LONRF2: variants seen among roughly 807,000 people sequenced by gnomAD.
LONRF2 encodes LON peptidase N-terminal domain and RING finger protein 2.
LONRF2 carries 35 observed loss-of-function variants against 66.6 expected under a neutral mutation model. The ratio of observed to expected loss-of-function variants is 0.53; its 90% CI spans 0.40 to 0.70. LONRF2 has a LOEUF of 0.70. Among genes scored for constraint, LONRF2 ranks in the 30% least tolerant of loss-of-function variants. The pLI, the probability that LONRF2 is intolerant of heterozygous loss-of-function variation, is 0.00. For missense variants in LONRF2, 902 were observed against 1,002.1 expected, an observed-to-expected ratio of 0.90 and a Z score of 1.35; for synonymous variants, 417 against 418.1, an observed-to-expected ratio of 1.00 and a Z score of 0.03.
At chr2:100,284,602 C>T in intron 11 of LONRF2, 110 bp from the exon 12 acceptor site, 1 of 886,766 alleles carries the variant, frequency 1.1e-6, no homozygotes. Flanking sequence ...TAAATGCCAC[C>T]TTGTATTTTA....
rs1674553231 is a variant in LONRF2, at chr2:100,274,274, ACTGAGAGAACTT to A, written c.*10012_*10023del. On this transcript the variant is annotated 3_prime_UTR_variant, in exon 12 of 12. Transcript: ENST00000393437. Reference sequence around the variant, plus strand: ...TCTCAGCCCCTCCCTGCTCTGAGTGACTGAGAGAACTTCCTTAGCTGCAGGGCTGCAGGCAGG... The same window carrying A: ...TCTCAGCCCCTCCCTGCTCTGAGTGACCTTAGCTGCAGGGCTGCAGGCAGG... 6.6e-6 allele frequency: 1 copy of A among 152,122 alleles called. No homozygotes were observed. The highest frequency in any genetic ancestry group is 2.4e-5 in the African/African-American group (1 of 41,404). The allele number at this position is 152,122 out of a possible 1,614,324, so 9.4% of individuals were successfully genotyped here. A position where few individuals can be genotyped will look rare whatever the true frequency, so the allele number is the denominator to read the frequency against.
intron 4 of LONRF2, 128 bp downstream of exon 4, chr2:100,300,516 A>G: frequency 4.7e-6 from 4 of 857,762 alleles, no homozygotes; most frequent in South Asian, 2.7e-5. Flanking sequence ...AGGAGCTACA[A>G]CTGGTCTTGA....
chr2:100,294,026 G>T, intron 9 of LONRF2, among the ~76,000 whole-genome samples: 1 of 152,304 alleles, frequency 6.6e-6, no homozygotes, highest in Middle Eastern at 3.4e-3. Flanking sequence ...GGACTAGTGG[G>T]TGTGATACTT....
At chr2:100,313,130 C>G (rs1384228350) in intron 1 of LONRF2, among the ~76,000 whole-genome samples, 1 of 152,160 alleles carries the variant, frequency 6.6e-6, no homozygotes, top group Non-Finnish European at 1.5e-5. Flanking sequence ...GTACTAGGAG[C>G]TAGGGTTACT....
intron 3 of LONRF2, among the ~76,000 whole-genome samples, chr2:100,301,279 T>C (rs145516183): frequency 1.5e-3 from 227 of 152,196 alleles, no homozygotes; most frequent in Middle Eastern, 0.01. Context: ...GGGAATGGCA[T>C]TGGTGGGGGC....
chr2:100,300,545 A>G (rs1675164183), intron 4 of LONRF2, 99 bp downstream of exon 4: 5 of 1,202,874 alleles, frequency 4.2e-6, no homozygotes, highest in East Asian at 5.0e-5. Context: ...TCTAACTAAC[A>G]TAATGCCATA....
intron 1 of LONRF2, chr2:100,309,532 C>T (rs1474624107): frequency 6.0e-6 from 1 of 167,446 alleles, no homozygotes; most frequent in Non-Finnish European, 1.3e-5. Context: ...ACACGAGCTA[C>T]ATCATCTCCA....
rs572878279 is a variant in LONRF2 at position 100,282,330 on chromosome 2, G to T, written c.*1968C>A. The T allele has an allele frequency of 8.5e-5, 13 of 152,286 alleles. No individual in the cohort carries two copies. The highest frequency in any genetic ancestry group is 3.1e-4 in the African/African-American group (13 of 41,552). 9.4% of individuals were successfully genotyped at this position (152,286 alleles called of 1,614,324 possible). ...TACCAGCTTTACTTCAGGAAGGCTCGTGGAGAAGCTGTGATCACATTGTGG... is the reference window on the plus strand; with the variant it reads ...TACCAGCTTTACTTCAGGAAGGCTCTTGGAGAAGCTGTGATCACATTGTGG... On this transcript the variant is annotated 3_prime_UTR_variant, in exon 12 of 12. Coordinates refer to ENST00000393437, the MANE Select transcript of LONRF2 (RefSeq NM_198461.4).
Position 100,322,232 on chromosome 2 carries a change from A to T in LONRF2, c.-139T>A, listed in dbSNP as rs1210580838. 8.9e-6 allele frequency: 7 copies of T among 783,082 alleles called. No individual in the cohort carries two copies. The highest frequency in any genetic ancestry group is 8.1e-6 in the Non-Finnish European group (5 of 616,276). The allele number at this position is 783,082 out of a possible 1,614,324, so 48.5% of individuals were successfully genotyped here. ...GCGCGTCTGGGGGCGGCGCGCTGCG[A>T]GCGGCTGAGACCGCGGGCGGGGGCG... On this transcript the variant is annotated 5_prime_UTR_variant, in exon 1 of 12. Coordinates refer to ENST00000393437, the MANE Select transcript of LONRF2 (RefSeq NM_198461.4).
At chr2:100,284,649 T>C (rs17023879) in intron 11 of LONRF2, among the ~76,000 whole-genome samples, 157 bp from the exon 12 acceptor site, 120 of 152,154 alleles carry the variant, frequency 7.9e-4, no homozygotes, top group Non-Finnish European at 2.4e-4. Flanking sequence ...TCAAAATACA[T>C]AGTTTACTTT....
rs1453262374 is a variant in LONRF2 at position 100,317,645 on chromosome 2, A to T, written c.679+3770T>A. Among the ~76,000 whole-genome samples the T allele has an allele frequency of 2.0e-5, 3 of 152,256 alleles. No individual in the cohort carries two copies. In the East Asian group the frequency reaches 5.8e-4, roughly 29 times the overall value. On this transcript the variant is annotated intron_variant, in intron 1 of 11. Transcript: ENST00000393437. Reference sequence around the variant, plus strand: ...CAGTATATCATGAAATGCAATTCTGATGGTAATAAAATCCTTTAGCTTGAG... The same window carrying T: ...CAGTATATCATGAAATGCAATTCTGTTGGTAATAAAATCCTTTAGCTTGAG...
intron 2 of LONRF2, among the ~76,000 whole-genome samples, chr2:100,308,292 C>G (rs1337024746): frequency 6.6e-6 from 1 of 151,762 alleles, no homozygotes; most frequent in East Asian, 1.9e-4. Context: ...ATTGCCTAGC[C>G]TAGGGGACAG....
At chr2:100,309,396 A>G (rs1675365579) in intron 1 of LONRF2, 171 bp from the exon 2 acceptor site, 1 of 357,574 alleles carries the variant, frequency 2.8e-6, no homozygotes, top group Admixed American at 4.5e-5. Context: ...CCCTCCAATC[A>G]TATTTAGAGT....
Position 100,273,377 on chromosome 2 carries a change from A to C in LONRF2, c.*10921T>G, listed in dbSNP as rs1371715463. Reference sequence around the variant, plus strand: ...CCCTACGACACAAACACAAAGGCCTAGGCACTGATTTGATCTAATTTCTCA... The same window carrying C: ...CCCTACGACACAAACACAAAGGCCTCGGCACTGATTTGATCTAATTTCTCA... On this transcript the variant is annotated 3_prime_UTR_variant, in exon 12 of 12. Coordinates refer to ENST00000393437, the MANE Select transcript of LONRF2 (RefSeq NM_198461.4). 6.6e-6 allele frequency: 1 copy of C among 152,266 alleles called. No homozygotes were observed. Among genetic ancestry groups the C allele is most frequent in the African/African-American group, 2.4e-5 (1 of 41,472 alleles). 9.4% of individuals were successfully genotyped at this position (152,266 alleles called of 1,614,324 possible). A position where few individuals can be genotyped will look rare whatever the true frequency, so the allele number is the denominator to read the frequency against.
At chr2:100,316,535 A>C (rs747135953) in intron 1 of LONRF2, among the ~76,000 whole-genome samples, 29 of 152,144 alleles carry the variant, frequency 1.9e-4, no homozygotes, top group Non-Finnish European at 7.4e-5. Context: ...TGTTTAAAGA[A>C]CATATACAGT....
intron 5 of LONRF2, 50 bp from the exon 6 acceptor site, chr2:100,299,369 A>G (rs1675132756): frequency 9.3e-7 from 1 of 1,081,038 alleles, no homozygotes; most frequent in African/African-American, 1.6e-5. Flanking sequence ...AAGCACCTGA[A>G]CAACAGCATG....
intron 7 of LONRF2, among the ~76,000 whole-genome samples, chr2:100,296,174 G>A (rs1559177424): frequency 6.6e-6 from 1 of 152,082 alleles, no homozygotes; most frequent in Non-Finnish European, 1.5e-5. Flanking sequence ...CCACAATGTG[G>A]CTGAACTACT....
At chr2:100,287,973 C>T (rs752710757) in intron 10 of LONRF2, among the ~76,000 whole-genome samples, 1 of 152,122 alleles carries the variant, frequency 6.6e-6, no homozygotes, top group Admixed American at 6.5e-5. Context: ...AATGCATATA[C>T]CACCCTCAAT....
At chr2:100,298,785 A>T in intron 7 of LONRF2, 51 bp downstream of exon 7, 1 of 1,376,044 alleles carries the variant, frequency 7.3e-7, no homozygotes, top group South Asian at 1.2e-5. Flanking sequence ...GTAAGCGTCC[A>T]CCAAGGGATG....
Sources: gnomAD v4.1 joint callset for allele counts (sites outside exome capture counted in the v4.1 genomes callset) on GRCh38, gnomAD v4.1.1 for gene constraint, MANE v1.5 for transcripts, NCBI Gene and HGNC (gene_info 2026-07-23, HGNC 2026-07-21) for gene names.